LRRC37A2: variants seen among roughly 807,000 people sequenced by gnomAD.
LRRC37A2 encodes the protein leucine-rich repeat-containing protein 37A2.
LRRC37A2 carries 9 observed loss-of-function variants against 68.8 expected under a neutral mutation model. That is an observed-to-expected ratio of 0.13 (90% CI 0.08 to 0.23). The LOEUF (loss-of-function observed/expected upper bound fraction) is 0.23. Ranked by LOEUF, LRRC37A2 falls within the 10% of genes least tolerant of loss-of-function variation. LRRC37A2 has a pLI of 1.00. For missense variants in LRRC37A2, 168 were observed against 950.4 expected, an observed-to-expected ratio of 0.18 and a Z score of 10.82; for synonymous variants, 63 against 367.6, an observed-to-expected ratio of 0.17 and a Z score of 9.48.
the LRRC37A2 span, among the ~76,000 whole-genome samples, chr17:46,794,651 T>G: frequency 6.6e-6 from 1 of 152,062 alleles, no homozygotes; most frequent in Non-Finnish European, 1.5e-5. Flanking sequence ...GTCCTATTGG[T>G]CTATAGATGC....
the LRRC37A2 span, chr17:47,033,272 G>C: frequency 8.8e-6 from 6 of 685,052 alleles, no homozygotes; most frequent in East Asian, 2.7e-5. Context: ...AAGAAAAAAG[G>C]CTCACCGTTT....
the LRRC37A2 span, among the ~76,000 whole-genome samples, chr17:46,812,236 T>C: frequency 6.6e-6 from 1 of 152,154 alleles, no homozygotes; most frequent in African/African-American, 2.4e-5. Flanking sequence ...AGAAGGACCC[T>C]GCTTAGAGCC....
chr17:46,541,614 G>T (rs1434876851), intron 8 of LRRC37A2, among the ~76,000 whole-genome samples: 1 of 150,826 alleles, frequency 6.6e-6, no homozygotes, highest in Non-Finnish European at 1.5e-5. Context: ...TATCACTACA[G>T]CTGGCCCTCC....
At chr17:46,975,927 G>T in the LRRC37A2 span, among the ~76,000 whole-genome samples, 1 of 151,942 alleles carries the variant, frequency 6.6e-6, no homozygotes, top group African/African-American at 2.4e-5. Context: ...AAAAGTTGTT[G>T]TTGTTGTTGT....
At chr17:46,635,816 TGTGCTC>T in the LRRC37A2 span, among the ~76,000 whole-genome samples, 302 of 140,670 alleles carry the variant, frequency 2.1e-3, 31 homozygotes, top group Non-Finnish European at 4.1e-3. Flanking sequence ...TGTGTGTGTG[TGTGCTC>T]GTGTGTGAAG....
the LRRC37A2 span, chr17:46,872,477 C>T: frequency 1.1e-4 from 161 of 1,457,586 alleles, 2 homozygotes; most frequent in South Asian, 2.2e-3. Context: ...TCACCACCAT[C>T]CCCAAGGCTC....
the LRRC37A2 span, among the ~76,000 whole-genome samples, chr17:47,010,040 G>A: frequency 6.6e-6 from 1 of 152,194 alleles, no homozygotes; most frequent in Non-Finnish European, 1.5e-5. Flanking sequence ...GGTCTCTTTT[G>A]GCTGCAAGTG....
At chr17:46,871,478 G>A in the LRRC37A2 span, among the ~76,000 whole-genome samples, 6 of 152,094 alleles carry the variant, frequency 3.9e-5, no homozygotes, top group East Asian at 1.2e-3. Flanking sequence ...TCCTCATCTG[G>A]ACAAAGGGGA....
At chr17:46,953,794 G>A in the LRRC37A2 span, among the ~76,000 whole-genome samples, 1 of 152,208 alleles carries the variant, frequency 6.6e-6, no homozygotes, top group Non-Finnish European at 1.5e-5. Flanking sequence ...GGCCAGTGAT[G>A]ATGAGCATTT....
At chr17:46,462,647 C>T in the LRRC37A2 span, among the ~76,000 whole-genome samples, 2 of 82,302 alleles carry the variant, frequency 2.4e-5, no homozygotes, top group African/African-American at 7.3e-5. Context: ...AGTGATGATA[C>T]AGATCAGAGG....
the LRRC37A2 span, among the ~76,000 whole-genome samples, chr17:46,811,201 G>A: frequency 9.5e-6 from 1 of 105,390 alleles, no homozygotes; most frequent in Non-Finnish European, 2.5e-5. Context: ...AACTAGCAGT[G>A]AGGGATTTGG....
At chr17:46,767,206 GCAGGCCACCT>G in the LRRC37A2 span, among the ~76,000 whole-genome samples, 1 of 152,132 alleles carries the variant, frequency 6.6e-6, no homozygotes, top group Non-Finnish European at 1.5e-5. Context: ...CGCCTCCCAT[GCAGGCCACCT>G]CTGGGAAGCT....
At chr17:47,014,130 G>A in the LRRC37A2 span, among the ~76,000 whole-genome samples, 7 of 151,500 alleles carry the variant, frequency 4.6e-5, no homozygotes, top group African/African-American at 1.7e-4. Context: ...AGTGGCTCAT[G>A]CCTGTAATCC....
At chr17:46,837,084 A>C in the LRRC37A2 span, among the ~76,000 whole-genome samples, 1 of 152,124 alleles carries the variant, frequency 6.6e-6, no homozygotes, top group Admixed American at 6.5e-5. Context: ...CTAGGACTAC[A>C]GGCACTCGCC....
At chr17:46,810,637 TAG>T in the LRRC37A2 span, among the ~76,000 whole-genome samples, 1 of 152,152 alleles carries the variant, frequency 6.6e-6, no homozygotes, top group African/African-American at 2.4e-5. Context: ...TCTTTGTGTG[TAG>T]AGTTTAGAGC....
the LRRC37A2 span, chr17:46,938,154 C>T: frequency 7.3e-6 from 2 of 273,972 alleles, no homozygotes; most frequent in East Asian, 1.0e-4. Context: ...TGAGTCCCTG[C>T]GCCTGGCCTG....
chr17:47,005,625 G>C, the LRRC37A2 span: 1 of 151,942 alleles, frequency 6.6e-6, no homozygotes, highest in African/African-American at 2.4e-5. Context: ...TTTTTCTTTT[G>C]TGTCATTTAT....
chr17:46,723,395 G>A, the LRRC37A2 span, among the ~76,000 whole-genome samples: 4 of 152,122 alleles, frequency 2.6e-5, no homozygotes, highest in Admixed American at 6.5e-5. Context: ...CATTGGCTGC[G>A]GTTCCATCTT....
chr17:46,711,319 A>T, the LRRC37A2 span, among the ~76,000 whole-genome samples: 2 of 152,366 alleles, frequency 1.3e-5, no homozygotes, highest in East Asian at 3.9e-4. Flanking sequence ...GTGAGGAAAG[A>T]TAGCAACTAG....
Sources: gnomAD v4.1 joint callset for allele counts (sites outside exome capture counted in the v4.1 genomes callset) on GRCh38, gnomAD v4.1.1 for gene constraint, MANE v1.5 for transcripts, NCBI Gene and HGNC (gene_info 2026-07-23, HGNC 2026-07-21) for gene names.